Variants in SMG6 observed in about 807,000 individuals in gnomAD.
SMG6 encodes telomerase-binding protein EST1A.
In SMG6, 66 loss-of-function variants were observed where a neutral mutation model predicts 142.2. The ratio of observed to expected loss-of-function variants is 0.46; its 90% confidence interval spans 0.38 to 0.57. The LOEUF (loss-of-function observed/expected upper bound fraction) is 0.57. Among genes scored for constraint, SMG6 ranks in the 20% least tolerant of loss-of-function variants. The pLI is 0.00. For missense variants in SMG6, 1,793 were observed against 1,832.0 expected, an observed-to-expected ratio of 0.98 and a Z score of 0.39; for synonymous variants, 779 against 702.4, an observed-to-expected ratio of 1.11 and a Z score of -1.72.
chr17:2,146,849 A>G (rs1294864706), intron 13 of SMG6, among the ~76,000 whole-genome samples: 2 of 152,180 alleles, frequency 1.3e-5, no homozygotes, highest in Non-Finnish European at 2.9e-5. Context: ...TACACGTGTG[A>G]GCCACCACGC....
At chr17:2,181,885 T>TCAGC (rs1286258372) in intron 12 of SMG6, among the ~76,000 whole-genome samples, 3 of 152,190 alleles carry the variant, frequency 2.0e-5, no homozygotes, top group African/African-American at 7.2e-5. Flanking sequence ...TTCCATTTCC[T>TCAGC]CAGCCGAACA....
rs781569685 is a variant in SMG6, at chr17:2,085,916, G to T, written c.3358-15C>A. The T allele has an allele frequency of 6.2e-7, 1 of 1,612,186 alleles. No homozygotes were observed. Among genetic ancestry groups the T allele is most frequent in the Admixed American group, 1.7e-5 (1 of 59,426 alleles). On this transcript the variant is annotated splice_polypyrimidine_tract_variant and intron_variant, in intron 13 of 18. Transcript: ENST00000263073. This position sits in a 1 kb window ranked among gnomAD's most constrained non-coding sequence, Gnocchi z 4.1. ...GCTGCAATAACCTACAGGGTGAGAG[G>T]GAGAGAAGAAAAACAGCATTTTCTG...
chr17:2,122,395 C>T (rs2069729787), intron 13 of SMG6: 1 of 152,184 alleles, frequency 6.6e-6, no homozygotes, highest in Non-Finnish European at 1.5e-5. Context: ...GCATCAATCC[C>T]TGTTGCCGTC....
intron 13 of SMG6, among the ~76,000 whole-genome samples, chr17:2,169,973 T>G (rs1336445450): frequency 1.3e-5 from 2 of 152,128 alleles, no homozygotes; most frequent in African/African-American, 2.4e-5. Context: ...CATTACCTGC[T>G]GATGGATTAG....
intron 13 of SMG6, among the ~76,000 whole-genome samples, chr17:2,162,713 A>C (rs1008879938): frequency 1.3e-5 from 2 of 152,142 alleles, no homozygotes; most frequent in Non-Finnish European, 2.9e-5. Context: ...CCAGTCATCC[A>C]TCTACCTATC....
At chr17:2,229,334 T>C (rs1246363343) in intron 10 of SMG6, 1 of 152,232 alleles carries the variant, frequency 6.6e-6, no homozygotes, top group Admixed American at 6.5e-5. Flanking sequence ...TTTACTCCTG[T>C]TCCTCTTCCT....
At chr17:2,165,235 T>C (rs1232879024) in intron 13 of SMG6, among the ~76,000 whole-genome samples, 2 of 151,106 alleles carry the variant, frequency 1.3e-5, no homozygotes, top group Non-Finnish European at 2.9e-5. Context: ...ACATGGTAGC[T>C]CCAAGAAGGT....
chr17:2,248,147 A>T (rs1026014748), intron 8 of SMG6, among the ~76,000 whole-genome samples: 2 of 152,118 alleles, frequency 1.3e-5, no homozygotes, highest in African/African-American at 4.8e-5. Flanking sequence ...AACCCACTTC[A>T]TTCAAGCCTA....
At chr17:2,284,461 A>G (rs2074860215) in intron 6 of SMG6, among the ~76,000 whole-genome samples, 1 of 152,248 alleles carries the variant, frequency 6.6e-6, no homozygotes, top group Non-Finnish European at 1.5e-5. Context: ...AAGTAAAGAA[A>G]AAGGAAGTGG....
chr17:2,215,634 G>A (rs758029010), intron 10 of SMG6: 12 of 152,080 alleles, frequency 7.9e-5, no homozygotes, highest in African/African-American at 1.2e-4. Context: ...GGTGATCAGC[G>A]TGCTGAAAAA....
At chr17:2,213,609 T>C (rs991807329) in intron 10 of SMG6, 4 of 152,234 alleles carry the variant, frequency 2.6e-5, no homozygotes, top group African/African-American at 7.2e-5. Context: ...CAATTTCAAT[T>C]GTGCAGCTTT....
At chr17:2,186,550 G>A in intron 12 of SMG6, 113 bp downstream of exon 12, 2 of 1,226,662 alleles carry the variant, frequency 1.6e-6, no homozygotes, top group Non-Finnish European at 2.3e-6. Flanking sequence ...AGAAGAAATA[G>A]AGAGGCAGGC....
At chr17:2,123,115 G>A (rs1046589733) in intron 13 of SMG6, among the ~76,000 whole-genome samples, 8 of 76,576 alleles carry the variant, frequency 1.0e-4, no homozygotes, top group African/African-American at 5.0e-4. Flanking sequence ...CAGCCCTGAA[G>A]GTATGAGGAA....
At chr17:2,231,291 C>G (rs1159322012) in intron 10 of SMG6, among the ~76,000 whole-genome samples, 1 of 152,168 alleles carries the variant, frequency 6.6e-6, no homozygotes, top group Non-Finnish European at 1.5e-5. Context: ...CAAGTTAAAG[C>G]TATCAGTCCT....
intron 10 of SMG6, among the ~76,000 whole-genome samples, chr17:2,218,855 C>G (rs879274434): frequency 1.3e-5 from 2 of 151,994 alleles, no homozygotes; most frequent in Admixed American, 1.3e-4. Context: ...AATACAGGTT[C>G]ACTGACTGTA....
chr17:2,129,953 T>C (rs561133273), intron 13 of SMG6, among the ~76,000 whole-genome samples: 20 of 151,678 alleles, frequency 1.3e-4, no homozygotes, highest in African/African-American at 2.4e-4. Context: ...AGATGTAAGA[T>C]GAAGATAAAG....
At chr17:2,187,862 A>T (rs2072039644) in intron 11 of SMG6, among the ~76,000 whole-genome samples, 1 of 152,122 alleles carries the variant, frequency 6.6e-6, no homozygotes, top group African/African-American at 2.4e-5. Context: ...AGAAAGGTGT[A>T]ACCTTCAGCC....
intron 10 of SMG6, chr17:2,216,021 A>G (rs1322104791): frequency 6.6e-6 from 1 of 152,346 alleles, no homozygotes; most frequent in African/African-American, 2.4e-5. Context: ...GCTGCAGTGC[A>G]TCTCGCGCTC....
intron 13 of SMG6, among the ~76,000 whole-genome samples, chr17:2,162,639 G>A (rs1485436389): frequency 6.6e-6 from 1 of 151,792 alleles, no homozygotes; most frequent in Non-Finnish European, 1.5e-5. Flanking sequence ...AGACCAGCCT[G>A]AGGAACACAG....
Sources: gnomAD v4.1 joint callset for allele counts (sites outside exome capture counted in the v4.1 genomes callset) on GRCh38, gnomAD v4.1.1 for gene constraint, Gnocchi (gnomAD v3.1) non-coding constraint, MANE v1.5 for transcripts, NCBI Gene and HGNC (gene_info 2026-07-23, HGNC 2026-07-21) for gene names.